IGF1R: variants seen among roughly 807,000 people sequenced by gnomAD.
The protein encoded by IGF1R is insulin like growth factor 1 receptor, also known as insulin-like growth factor 1 receptor.
IGF1R carries 44 observed loss-of-function variants against 144.6 expected under a neutral mutation model. That is an observed-to-expected ratio of 0.30 (90% CI 0.24 to 0.39). The LOEUF (loss-of-function observed/expected upper bound fraction) is 0.39. Among genes scored for constraint, IGF1R ranks in the 10% least tolerant of loss-of-function variants. The pLI is 1.00. For synonymous variants in IGF1R, 795 were observed against 722.8 expected, an observed-to-expected ratio of 1.10 and a Z score of -1.60; for missense variants, 1,355 against 1,833.7, an observed-to-expected ratio of 0.74 and a Z score of 4.77.
At chr15:98,733,503 C>T (rs1434197982) in intron 2 of IGF1R, among the ~76,000 whole-genome samples, 1 of 151,098 alleles carries the variant, frequency 6.6e-6, no homozygotes, top group African/African-American at 2.4e-5. Flanking sequence ...TTTTTTTTCC[C>T]CCTTCCAAAC....
chr15:98,947,969 G>A (rs1053823694), intron 19 of IGF1R, among the ~76,000 whole-genome samples: 2 of 152,054 alleles, frequency 1.3e-5, no homozygotes, highest in Non-Finnish European at 2.9e-5. Context: ...CCTCACCCCA[G>A]ACCAATCAAA....
At chr15:98,775,785 G>A (rs986905705) in intron 2 of IGF1R, among the ~76,000 whole-genome samples, 1 of 152,314 alleles carries the variant, frequency 6.6e-6, no homozygotes, top group Non-Finnish European at 1.5e-5. Flanking sequence ...CAGGGTTTCC[G>A]ATTCAGCAGG....
chr15:98,773,336 C>T lies in IGF1R; in HGVS notation c.640+65229C>T, dbSNP rs532852180. Among the ~76,000 whole-genome samples, 3 of 152,220 alleles carry T rather than the reference C, an allele frequency of 2.0e-5. No homozygotes were observed. In the East Asian group the frequency reaches 5.8e-4, roughly 29 times the overall value. ...CTCAATGTTCAGCTTTACAAAAACT[C>T]CCGTAATTAATGAAGGTCAAGGCAT... On this transcript the variant is annotated intron_variant, in intron 2 of 20. Transcript: ENST00000650285.
intron 2 of IGF1R, among the ~76,000 whole-genome samples, chr15:98,808,706 G>T (rs965358736): frequency 1.4e-5 from 2 of 148,114 alleles, no homozygotes; most frequent in Non-Finnish European, 3.0e-5. Context: ...AAGAGACAGG[G>T]TCTTGCCTTA....
intron 2 of IGF1R, among the ~76,000 whole-genome samples, chr15:98,816,774 C>A (rs1482684634): frequency 6.6e-6 from 1 of 152,166 alleles, no homozygotes; most frequent in Non-Finnish European, 1.5e-5. Flanking sequence ...TATGAGATTG[C>A]CACAAACATG....
chr15:98,940,041 GAGCAATGGTTAA>G (rs2016308814), intron 18 of IGF1R, among the ~76,000 whole-genome samples: 1 of 152,180 alleles, frequency 6.6e-6, no homozygotes, highest in Non-Finnish European at 1.5e-5. Flanking sequence ...TTGAATTTCT[GAGCAATGGTTAA>G]AACCCACTTC....
At chr15:98,733,551 G>T (rs2054544387) in intron 2 of IGF1R, among the ~76,000 whole-genome samples, 1 of 151,894 alleles carries the variant, frequency 6.6e-6, no homozygotes, top group African/African-American at 2.4e-5. Flanking sequence ...GATCTCAGGG[G>T]AATTCCCTCT....
At chr15:98,912,815 T>C (rs2015081259) in intron 7 of IGF1R, among the ~76,000 whole-genome samples, 1 of 152,238 alleles carries the variant, frequency 6.6e-6, no homozygotes, top group South Asian at 2.1e-4. Context: ...TGAATCCCAG[T>C]AACTGTTGAA....
intron 2 of IGF1R, among the ~76,000 whole-genome samples, chr15:98,728,299 C>T (rs955227406): frequency 6.6e-6 from 1 of 152,022 alleles, no homozygotes; most frequent in African/African-American, 2.4e-5. Context: ...AAAGGCTGGC[C>T]GGGCTGGGTG....
chr15:98,930,296 G>A lies in IGF1R; in HGVS notation c.2947G>A (p.Ala983Thr), dbSNP rs765617641. The change falls in exon 15 of 21, where the codon GCT (alanine) becomes ACT (threonine). Residue 983 changes from alanine to threonine, a missense_variant. Transcript: ENST00000650285. Reference protein sequence around the residue: ...YASVNPEYFSAADVYVPDEWE... With the variant: ...YASVNPEYFSTADVYVPDEWE... ...CTCTGTGAACCCGGAGTACTTCAGCGCTGCTGATGGTAAGAGTCCGGGCCA... is the reference window on the plus strand; with the variant it reads ...CTCTGTGAACCCGGAGTACTTCAGCACTGCTGATGGTAAGAGTCCGGGCCA... 3.1e-6 allele frequency: 5 copies of A among 1,610,668 alleles called. No individual in the cohort carries two copies. The highest frequency in any genetic ancestry group is 4.2e-6 in the Non-Finnish European group (5 of 1,177,740).
chr15:98,910,652 T>C (rs1225328409), intron 6 of IGF1R, among the ~76,000 whole-genome samples: 1 of 152,224 alleles, frequency 6.6e-6, no homozygotes, highest in East Asian at 1.9e-4. Context: ...ACAGCTTCCC[T>C]GCCATACCCG....
At chr15:98,937,236 A>C (rs1046251264) in intron 17 of IGF1R, among the ~76,000 whole-genome samples, 3 of 152,154 alleles carry the variant, frequency 2.0e-5, no homozygotes, top group African/African-American at 4.8e-5. Context: ...AGCTTGATGA[A>C]ATAGGTGACT....
intron 2 of IGF1R, among the ~76,000 whole-genome samples, chr15:98,742,767 C>T (rs774920991): frequency 6.6e-6 from 1 of 152,116 alleles, no homozygotes; most frequent in African/African-American, 2.4e-5. Flanking sequence ...CACAATGGGC[C>T]GGATGTGGTG....
At chr15:98,760,536 A>C (rs1399539594) in intron 2 of IGF1R, among the ~76,000 whole-genome samples, 2 of 152,168 alleles carry the variant, frequency 1.3e-5, no homozygotes, top group Admixed American at 6.5e-5. Context: ...GTGAGACTTG[A>C]ACATTTTGAC....
At chr15:98,654,868 A>C (rs1567059416) in intron 1 of IGF1R, among the ~76,000 whole-genome samples, 1 of 152,206 alleles carries the variant, frequency 6.6e-6, no homozygotes, top group Non-Finnish European at 1.5e-5. Context: ...CAAAGTGCCT[A>C]ATGAGTGATG....
rs2151670142 is a variant in IGF1R, at chr15:98,908,736, C to T, written c.1299C>T (p.Asp433=). 1 of 1,614,158 alleles carries T rather than the reference C, an allele frequency of 6.2e-7. No individual in the cohort carries two copies. The highest frequency in any genetic ancestry group is 2.2e-5 in the East Asian group (1 of 44,880). Residue 433 remains aspartate (D), a synonymous_variant, in exon 6 of 21, where the codon GAC becomes GAT. Coordinates refer to ENST00000650285, the MANE Select transcript of IGF1R (RefSeq NM_000875.5). ...LDNQNLQQLW[D]WDHRNLTIKA... ...ACCAGAACTTGCAGCAACTGTGGGA[C>T]TGGGACCACCGCAACCTGACCATCA...
chr15:98,908,911 C>T lies in IGF1R; in HGVS notation c.1462+12C>T. 6.2e-7 allele frequency: 1 copy of T among 1,608,318 alleles called. No homozygotes were observed. On this transcript the variant is annotated intron_variant, in intron 6 of 20. Transcript: ENST00000650285. ...GGAGAGAGCCTCCTGTGAGTGACAG[C>T]ATCCAAAACACCGTGGGCCCAACCA...
At chr15:98,853,217 A>G (rs2011614075) in intron 2 of IGF1R, among the ~76,000 whole-genome samples, 1 of 152,124 alleles carries the variant, frequency 6.6e-6, no homozygotes, top group Non-Finnish European at 1.5e-5. Flanking sequence ...TAAAAAAAAG[A>G]AGGGGGGCAG....
Position 98,964,312 on chromosome 15 carries a change from A to G in IGF1R, c.*6870A>G. ...ATTCCTAAAAAATCCTGTTTATATA[A>G]AAAATCAGTAGATGAAAAAAATTTC... On this transcript the variant is annotated 3_prime_UTR_variant, in exon 21 of 21. Transcript: ENST00000650285. 1 of 232,046 alleles carries G rather than the reference A, an allele frequency of 4.3e-6. No homozygotes were observed. The highest frequency in any genetic ancestry group is 5.6e-5 in the Admixed American group (1 of 17,758). 14.4% of individuals were successfully genotyped at this position (232,046 alleles called of 1,614,324 possible). A position where few individuals can be genotyped will look rare whatever the true frequency, so the allele number is the denominator to read the frequency against.
Sources: gnomAD v4.1 joint callset for allele counts (sites outside exome capture counted in the v4.1 genomes callset) on GRCh38, gnomAD v4.1.1 for gene constraint, MANE v1.5 for transcripts, NCBI Gene and HGNC (gene_info 2026-07-23, HGNC 2026-07-21) for gene names.